The following DNAJC1 variants were observed in gnomAD, a reference collection of about 807,000 sequenced individuals.
The protein encoded by DNAJC1 is dnaJ homolog subfamily C member 1.
A neutral mutation model predicts 76.6 loss-of-function variants in DNAJC1; 58 were observed. That is an observed-to-expected ratio of 0.76 (90% CI 0.61 to 0.94). The LOEUF is 0.94. DNAJC1 is among the 40% of genes least tolerant of loss of function. The pLI, the probability that DNAJC1 is intolerant of heterozygous loss-of-function variation, is 0.00. For missense variants in DNAJC1, 689 were observed against 677.3 expected (o/e 1.02, Z -0.19); for synonymous variants, 258 against 267.9 (o/e 0.96, Z 0.36).
chr10:21,952,762 C>T (rs192578221), intron 1 of DNAJC1, among the ~76,000 whole-genome samples: 39 of 152,158 alleles, frequency 2.6e-4, no homozygotes, highest in Middle Eastern at 6.8e-3. Context: ...CCGTCTCAAT[C>T]AATCAATCAA....
At chr10:21,844,515 A>C (rs901309039) in intron 8 of DNAJC1, among the ~76,000 whole-genome samples, 9 of 152,196 alleles carry the variant, frequency 5.9e-5, no homozygotes, top group Non-Finnish European at 1.3e-4. Context: ...GCAAGCTAAA[A>C]AGTTTCGGGC....
At chr10:21,970,652 G>A (rs1320197324) in intron 1 of DNAJC1, among the ~76,000 whole-genome samples, 1 of 151,882 alleles carries the variant, frequency 6.6e-6, no homozygotes, top group East Asian at 1.9e-4. Flanking sequence ...ATAGACCAAA[G>A]ATTTATTTTC....
At chr10:21,971,854 T>C (rs1198692733) in intron 1 of DNAJC1, among the ~76,000 whole-genome samples, 1 of 151,948 alleles carries the variant, frequency 6.6e-6, no homozygotes, top group Admixed American at 6.5e-5. Flanking sequence ...AACTGGAGGA[T>C]ATTAAGAGAA....
Position 21,919,910 on chromosome 10 carries a change from T to C in DNAJC1, c.557A>G (p.Lys186Arg). 1.2e-6 allele frequency: 2 copies of C among 1,606,354 alleles called. No individual in the cohort carries two copies. The highest frequency in any genetic ancestry group is 2.2e-5 in the East Asian group (1 of 44,790). ...EKQLDELLSR[K>R]KREKKKKTGS... is the part of the protein sequence containing the mutation. ...AGTCTTTTTTTTCTTTTCTCTCTTT[T>C]TTCTACTTAGTAGTTCATCCTTAAT... Residue 186 changes from lysine to arginine, a missense_variant, in exon 5 of 12, where the codon AAA (lysine) becomes AGA (arginine). Lys to Arg is a conservative substitution (Grantham distance 26). Coordinates refer to ENST00000376980, the MANE Select transcript of DNAJC1 (RefSeq NM_022365.4).
chr10:21,953,275 T>C (rs888556327), intron 1 of DNAJC1, among the ~76,000 whole-genome samples: 5 of 152,104 alleles, frequency 3.3e-5, no homozygotes, highest in African/African-American at 4.8e-5. Context: ...GATTTAATTA[T>C]AGTGCAATAT....
At chr10:21,981,768 T>C (rs1243683086) in intron 1 of DNAJC1, among the ~76,000 whole-genome samples, 1 of 152,168 alleles carries the variant, frequency 6.6e-6, no homozygotes, top group Non-Finnish European at 1.5e-5. Flanking sequence ...ACAAAGACTG[T>C]CTCCTTGACT....
intron 9 of DNAJC1, among the ~76,000 whole-genome samples, chr10:21,770,757 T>C (rs1414214383): frequency 6.6e-6 from 1 of 152,202 alleles, no homozygotes; most frequent in Non-Finnish European, 1.5e-5. Flanking sequence ...ACATAAGATG[T>C]GCAAATAAGT....
At chr10:21,841,733 C>T (rs1248998814) in intron 8 of DNAJC1, among the ~76,000 whole-genome samples, 1 of 152,066 alleles carries the variant, frequency 6.6e-6, no homozygotes, top group Non-Finnish European at 1.5e-5. Flanking sequence ...TACCATTTGA[C>T]CCAGCCATCC....
intron 10 of DNAJC1, among the ~76,000 whole-genome samples, chr10:21,764,889 C>T (rs1044564149): frequency 3.3e-5 from 5 of 152,202 alleles, no homozygotes; most frequent in African/African-American, 1.2e-4. Context: ...GATCTGCTCT[C>T]TGCTCAAAGC....
At chr10:21,920,463 G>A (rs1837022897) in intron 4 of DNAJC1, 1 of 176,030 alleles carries the variant, frequency 5.7e-6, no homozygotes, top group East Asian at 1.5e-4. Flanking sequence ...AAAGGCCTGT[G>A]ACACAAAAAA....
intron 1 of DNAJC1, among the ~76,000 whole-genome samples, chr10:21,958,792 G>A (rs747139838): frequency 2.0e-5 from 3 of 151,674 alleles, no homozygotes; most frequent in Non-Finnish European, 2.9e-5. Context: ...ATATTTAAAC[G>A]TCAGATTTGG....
At chr10:21,941,572 A>G (rs901905731) in intron 1 of DNAJC1, among the ~76,000 whole-genome samples, 1 of 152,174 alleles carries the variant, frequency 6.6e-6, no homozygotes, top group Non-Finnish European at 1.5e-5. Flanking sequence ...ATATAGGAAA[A>G]TGATAATTAT....
intron 8 of DNAJC1, among the ~76,000 whole-genome samples, chr10:21,843,685 C>G (rs1226601197): frequency 6.6e-6 from 1 of 152,074 alleles, no homozygotes; most frequent in African/African-American, 2.4e-5. Flanking sequence ...AGCCACTGTG[C>G]CTGGCCTACT....
intron 1 of DNAJC1, among the ~76,000 whole-genome samples, chr10:21,977,107 C>T (rs1237916253): frequency 1.3e-5 from 2 of 152,112 alleles, no homozygotes; most frequent in Non-Finnish European, 2.9e-5. Context: ...ACATGGTGGA[C>T]ACTCACACTG....
intron 1 of DNAJC1, among the ~76,000 whole-genome samples, chr10:21,940,243 G>C (rs1837384222): frequency 6.6e-6 from 1 of 152,094 alleles, no homozygotes; most frequent in African/African-American, 2.4e-5. Flanking sequence ...CAATAATATA[G>C]TTTACTTCAT....
chr10:21,835,898 C>T (rs879448836), intron 8 of DNAJC1, among the ~76,000 whole-genome samples: 4 of 152,196 alleles, frequency 2.6e-5, no homozygotes, highest in Non-Finnish European at 5.9e-5. Context: ...TTGGAAAACA[C>T]TCTGCAGGAT....
At chr10:21,767,747 G>A (rs1834317565) in intron 9 of DNAJC1, among the ~76,000 whole-genome samples, 1 of 152,200 alleles carries the variant, frequency 6.6e-6, no homozygotes, top group Non-Finnish European at 1.5e-5. Flanking sequence ...TGTAATCCCA[G>A]CACTCTGGGA....
chr10:21,897,806 T>C (rs1397383691), intron 7 of DNAJC1, among the ~76,000 whole-genome samples: 1 of 152,224 alleles, frequency 6.6e-6, no homozygotes, highest in Non-Finnish European at 1.5e-5. Context: ...CCCTTAAGGT[T>C]TGGAATAAGG....
chr10:21,887,338 T>C (rs1295173581), intron 7 of DNAJC1, among the ~76,000 whole-genome samples: 2 of 152,266 alleles, frequency 1.3e-5, no homozygotes, highest in African/African-American at 2.4e-5. Flanking sequence ...GATTCAATGC[T>C]ATTCCTATCA....
Sources: gnomAD v4.1 joint callset for allele counts (sites outside exome capture counted in the v4.1 genomes callset) on GRCh38, gnomAD v4.1.1 for gene constraint, MANE v1.5 for transcripts, NCBI Gene and HGNC (gene_info 2026-07-23, HGNC 2026-07-21) for gene names.